ADGRB3: variants seen among roughly 807,000 people sequenced by gnomAD.
ADGRB3 encodes brain-specific angiogenesis inhibitor 3.
In ADGRB3, 37 loss-of-function variants were observed where a neutral mutation model predicts 193.4. That is an observed-to-expected ratio of 0.19 (90% CI 0.15 to 0.25). The LOEUF (loss-of-function observed/expected upper bound fraction) is 0.25. Ranked by LOEUF, ADGRB3 falls within the 10% of genes least tolerant of loss-of-function variation. The probability of loss-of-function intolerance (pLI) is 1.00; values close to 1 mark genes in which losing one functional copy is unlikely to be tolerated. For synonymous variants in ADGRB3, 690 were observed against 644.2 expected (o/e 1.07, Z -1.08); for missense variants, 1,637 against 1,852.9 (o/e 0.88, Z 2.14).
At chr6:69,251,400 A>G (rs936395629) in intron 20 of ADGRB3, among the ~76,000 whole-genome samples, 1 of 152,032 alleles carries the variant, frequency 6.6e-6, no homozygotes, top group African/African-American at 2.4e-5. Context: ...TTACTTTGTA[A>G]TCTTATTTTA....
At chr6:69,275,373 A>G (rs1465531508) in intron 20 of ADGRB3, among the ~76,000 whole-genome samples, 1 of 152,180 alleles carries the variant, frequency 6.6e-6, no homozygotes, top group African/African-American at 2.4e-5. Flanking sequence ...AACTAAAAAG[A>G]AAAATAGGAA....
At chr6:69,163,502 G>A (rs538330012) in intron 17 of ADGRB3, among the ~76,000 whole-genome samples, 2 of 151,870 alleles carry the variant, frequency 1.3e-5, no homozygotes, top group African/African-American at 4.8e-5. Flanking sequence ...CAAATTATGT[G>A]AAAAAAAATT....
intron 13 of ADGRB3, among the ~76,000 whole-genome samples, chr6:69,047,401 CTA>C (rs1391811023): frequency 6.7e-6 from 1 of 149,806 alleles, no homozygotes; most frequent in African/African-American, 2.4e-5. Context: ...TTGTATATAA[CTA>C]TTAAATATAA....
At chr6:68,657,709 T>A (rs1582102686) in intron 3 of ADGRB3, among the ~76,000 whole-genome samples, 1 of 151,574 alleles carries the variant, frequency 6.6e-6, no homozygotes, top group East Asian at 1.9e-4. Flanking sequence ...TTGTAAACAC[T>A]TTTAAAAACA....
At chr6:69,084,609 T>A (rs1175200325) in intron 17 of ADGRB3, among the ~76,000 whole-genome samples, 1 of 152,128 alleles carries the variant, frequency 6.6e-6, no homozygotes, top group Admixed American at 6.5e-5. Flanking sequence ...TTACTGAAAA[T>A]CTTATAGGAG....
At chr6:68,936,072 C>G (rs1485999328) in intron 4 of ADGRB3, among the ~76,000 whole-genome samples, 1 of 152,112 alleles carries the variant, frequency 6.6e-6, no homozygotes, top group Admixed American at 6.6e-5. Context: ...CATCATCTAG[C>G]ATTAGAAAGG....
intron 3 of ADGRB3, among the ~76,000 whole-genome samples, chr6:68,669,226 T>C (rs1457486303): frequency 1.3e-5 from 2 of 151,860 alleles, no homozygotes; most frequent in African/African-American, 4.8e-5. Flanking sequence ...GTACAAACAA[T>C]TCAATTACAC....
chr6:68,873,898 T>C (rs975009681), intron 3 of ADGRB3, among the ~76,000 whole-genome samples: 3 of 152,030 alleles, frequency 2.0e-5, no homozygotes, highest in Non-Finnish European at 4.4e-5. Context: ...TATAAAAAAA[T>C]TAGCATATAT....
chr6:69,036,751 A>G (rs962921220), intron 13 of ADGRB3, among the ~76,000 whole-genome samples: 2 of 152,178 alleles, frequency 1.3e-5, no homozygotes, highest in African/African-American at 4.8e-5. Context: ...AGATCTGTGC[A>G]TCTTAGTCAT....
chr6:69,387,562 T>C (rs1304449535), intron 31 of ADGRB3, among the ~76,000 whole-genome samples: 1 of 152,158 alleles, frequency 6.6e-6, no homozygotes, highest in East Asian at 1.9e-4. Flanking sequence ...TGGTAAGTGT[T>C]TTTGTTGTTG....
At chr6:68,885,195 T>C in intron 3 of ADGRB3, among the ~76,000 whole-genome samples, 1 of 152,112 alleles carries the variant, frequency 6.6e-6, no homozygotes, top group East Asian at 1.9e-4. Flanking sequence ...GAAGGAAGGA[T>C]TTGTGATATT....
chr6:69,085,072 GA>G (rs527710125), intron 17 of ADGRB3, among the ~76,000 whole-genome samples: 24 of 151,520 alleles, frequency 1.6e-4, no homozygotes, highest in Admixed American at 1.4e-3. Context: ...GAGTGTAAAG[GA>G]AAAAAAATAC....
At chr6:69,297,376 C>CTT (rs1283964868) in intron 20 of ADGRB3, among the ~76,000 whole-genome samples, 14 of 133,982 alleles carry the variant, frequency 1.0e-4, no homozygotes, top group African/African-American at 2.9e-4. Flanking sequence ...CTTTCTCTCT[C>CTT]TCTCTCTCTC....
intron 17 of ADGRB3, among the ~76,000 whole-genome samples, chr6:69,129,961 T>C (rs1392900490): frequency 6.6e-6 from 1 of 152,166 alleles, no homozygotes; most frequent in East Asian, 1.9e-4. Context: ...TTATAGAATC[T>C]AGTTGGCTAC....
chr6:68,752,353 T>C (rs1766215738), intron 3 of ADGRB3, among the ~76,000 whole-genome samples: 2 of 150,836 alleles, frequency 1.3e-5, no homozygotes, highest in Non-Finnish European at 3.0e-5. Flanking sequence ...CTCAGCTCAC[T>C]GCAACCTCCA....
At chr6:68,737,765 CA>C (rs961511065) in intron 3 of ADGRB3, among the ~76,000 whole-genome samples, 2 of 150,652 alleles carry the variant, frequency 1.3e-5, no homozygotes, top group African/African-American at 4.9e-5. Context: ...AAAGGAAAGC[CA>C]AAAAAAAGGT....
At chr6:68,895,126 TA>T (rs1253105544) in intron 3 of ADGRB3, among the ~76,000 whole-genome samples, 1 of 151,950 alleles carries the variant, frequency 6.6e-6, no homozygotes, top group East Asian at 1.9e-4. Context: ...TTCATTAGTA[TA>T]ATAATCCTTC....
At chr6:69,035,902 G>A (rs1770854931) in intron 13 of ADGRB3, among the ~76,000 whole-genome samples, 1 of 152,126 alleles carries the variant, frequency 6.6e-6, no homozygotes, top group African/African-American at 2.4e-5. Flanking sequence ...TGCTATTTAT[G>A]GAAATGGGAA....
At chr6:68,878,144 TTAAA>T (rs2150223081) in intron 3 of ADGRB3, among the ~76,000 whole-genome samples, 1 of 152,220 alleles carries the variant, frequency 6.6e-6, no homozygotes, top group Non-Finnish European at 1.5e-5. Context: ...TTTAATATAG[TTAAA>T]TAAATCTTTT....
Sources: allele counts gnomAD v4.1 joint callset (sites outside exome capture counted in the v4.1 genomes callset), GRCh38; gene constraint gnomAD v4.1.1; transcripts MANE v1.5; gene names NCBI Gene and HGNC (gene_info 2026-07-23, HGNC 2026-07-21).